Variants in WWOX observed in about 807,000 individuals in gnomAD.
The protein encoded by WWOX is WW domain containing oxidoreductase.
In WWOX, 69 loss-of-function variants were observed where a neutral mutation model predicts 46.2. That is an observed-to-expected ratio of 1.49 (90% CI 1.23 to 1.82). The LOEUF (loss-of-function observed/expected upper bound fraction) is 1.82. Ranked by LOEUF, WWOX falls within the 40% of genes most tolerant of loss-of-function variation. The pLI is 0.00. For missense variants in WWOX, 919 were observed against 542.6 expected (o/e 1.69, Z -6.89); for synonymous variants, 359 against 202.6 (o/e 1.77, Z -6.56).
At chr16:78,541,676 C>T (rs925109105) in intron 8 of WWOX, among the ~76,000 whole-genome samples, 1 of 151,790 alleles carries the variant, frequency 6.6e-6, no homozygotes, top group Non-Finnish European at 1.5e-5. Flanking sequence ...TGAGGTGTGA[C>T]ATTGAAAAAG....
chr16:78,523,503 A>G (rs2043393272), intron 8 of WWOX, among the ~76,000 whole-genome samples: 1 of 152,208 alleles, frequency 6.6e-6, no homozygotes, highest in Non-Finnish European at 1.5e-5. Flanking sequence ...CTGATGTTTG[A>G]TTCCTTGTGA....
intron 8 of WWOX, among the ~76,000 whole-genome samples, chr16:79,165,830 G>C (rs902320528): frequency 6.6e-6 from 1 of 152,066 alleles, no homozygotes; most frequent in Non-Finnish European, 1.5e-5. Context: ...TCCCTCACTC[G>C]GTCGCCGAAC....
intron 8 of WWOX, among the ~76,000 whole-genome samples, chr16:78,777,305 G>T (rs913114534): frequency 6.6e-6 from 1 of 152,130 alleles, no homozygotes; most frequent in Non-Finnish European, 1.5e-5. Flanking sequence ...ACAAAGAAAG[G>T]GAGGACTTTC....
intron 8 of WWOX, among the ~76,000 whole-genome samples, chr16:79,192,977 T>G (rs1264643872): frequency 6.6e-6 from 1 of 152,208 alleles, no homozygotes; most frequent in Non-Finnish European, 1.5e-5. Flanking sequence ...TGTCTCACAT[T>G]CCTTTCTGCT....
intron 8 of WWOX, among the ~76,000 whole-genome samples, chr16:78,456,687 C>CAA (rs893006846): frequency 3.0e-4 from 45 of 152,182 alleles, no homozygotes; most frequent in African/African-American, 1.1e-3. Flanking sequence ...TGACTCTTAA[C>CAA]AAAGGATGTA....
chr16:79,045,609 C>A (rs968960175), intron 8 of WWOX, among the ~76,000 whole-genome samples: 1 of 152,018 alleles, frequency 6.6e-6, no homozygotes, highest in East Asian at 1.9e-4. Flanking sequence ...CATCAGCTAT[C>A]AATGAAAAGG....
At chr16:78,574,671 ATTATG>A (rs1490864036) in intron 8 of WWOX, among the ~76,000 whole-genome samples, 7 of 151,924 alleles carry the variant, frequency 4.6e-5, no homozygotes, top group African/African-American at 1.4e-4. Context: ...CCTGAAGGAC[ATTATG>A]TTAAGTCAAA....
intron 8 of WWOX, among the ~76,000 whole-genome samples, chr16:79,156,589 C>T (rs991495839): frequency 2.0e-5 from 3 of 152,110 alleles, no homozygotes; most frequent in African/African-American, 7.2e-5. Context: ...GAGTTAAAAA[C>T]CAGACAATTA....
At chr16:78,885,192 CTTT>C (rs58558697) in intron 8 of WWOX, among the ~76,000 whole-genome samples, 1 of 127,738 alleles carries the variant, frequency 7.8e-6, no homozygotes. Context: ...TCACTCTCTA[CTTT>C]TTTTTTTTTT....
At chr16:78,934,213 C>T (rs913531586) in intron 8 of WWOX, among the ~76,000 whole-genome samples, 3 of 151,550 alleles carry the variant, frequency 2.0e-5, no homozygotes, top group Non-Finnish European at 4.4e-5. Flanking sequence ...TGGCACATCC[C>T]TGTAATCCCA....
chr16:78,455,388 T>C (rs11866188), intron 8 of WWOX, among the ~76,000 whole-genome samples: 40,961 of 151,794 alleles, frequency 0.27, 9,391 homozygotes, highest in African/African-American at 0.62. Context: ...TGCCTGTGAT[T>C]CCAGCATTTT....
In WWOX at chr16:78,102,670, G is replaced by A. The variant is rs148374268; in HGVS notation, c.107+2785G>A. On this transcript the variant is annotated intron_variant, in intron 1 of 8. Transcript: ENST00000566780. ...TAACTGTGGGTGTCCCCTCGACCTTGTACTAGTCACCTTGTTTCTCTGCTT... is the reference window on the plus strand; with the variant it reads ...TAACTGTGGGTGTCCCCTCGACCTTATACTAGTCACCTTGTTTCTCTGCTT... Among the ~76,000 whole-genome samples the A allele has an allele frequency of 7.6e-4, 115 of 152,288 alleles. No homozygotes were observed. The East Asian group carries it at 0.02, about 27-fold the overall frequency.
chr16:79,187,015 G>T (rs748641582), intron 8 of WWOX, among the ~76,000 whole-genome samples: 2 of 152,084 alleles, frequency 1.3e-5, no homozygotes, highest in Non-Finnish European at 2.9e-5. Flanking sequence ...AATATAAATT[G>T]TGCAGTAAAA....
At chr16:78,934,051 C>T (rs1049531204) in intron 8 of WWOX, among the ~76,000 whole-genome samples, 2 of 151,820 alleles carry the variant, frequency 1.3e-5, no homozygotes, top group South Asian at 2.1e-4. Context: ...GAAACTTAGC[C>T]GGGGCCGGGC....
At position 78,163,629 on chromosome 16, in the gene WWOX, A is replaced by G. The variant is rs1214144780; in HGVS notation, c.410-554A>G. 2.0e-5 allele frequency among the ~76,000 whole-genome samples: 3 copies of G among 152,170 alleles called. No individual in the cohort carries two copies. The East Asian group carries it at 5.8e-4, about 29-fold the overall frequency. ...GTGCCCTTCTGATGCCTTCAAACAG[A>G]TATGGGTGTGTATGCACGTGTGTTA... On this transcript the variant is annotated intron_variant, in intron 4 of 8. Transcript: ENST00000566780.
intron 8 of WWOX, among the ~76,000 whole-genome samples, chr16:78,577,417 A>G (rs752644982): frequency 2.6e-5 from 4 of 152,108 alleles, no homozygotes; most frequent in Non-Finnish European, 5.9e-5. Context: ...GCCATGAGTA[A>G]AGGGTGCCCT....
chr16:78,543,464 A>G (rs974520095), intron 8 of WWOX, among the ~76,000 whole-genome samples: 22 of 152,248 alleles, frequency 1.4e-4, no homozygotes, highest in African/African-American at 4.6e-4. Context: ...ACTTGTGAAC[A>G]GAGCAAAAGG....
At chr16:79,027,008 AG>A (rs1383815303) in intron 8 of WWOX, among the ~76,000 whole-genome samples, 1 of 151,300 alleles carries the variant, frequency 6.6e-6, no homozygotes, top group Non-Finnish European at 1.5e-5. Context: ...GTCCAGGTAC[AG>A]TGGCTCATGC....
intron 5 of WWOX, among the ~76,000 whole-genome samples, chr16:78,201,679 T>G (rs2036233890): frequency 3.3e-5 from 2 of 60,412 alleles, no homozygotes; most frequent in African/African-American, 2.2e-4. Flanking sequence ...CTTGGATTAT[T>G]TATTTATTTA....
Sources: allele counts gnomAD v4.1 joint callset (sites outside exome capture counted in the v4.1 genomes callset), GRCh38; gene constraint gnomAD v4.1.1; transcripts MANE v1.5; gene names NCBI Gene and HGNC (gene_info 2026-07-23, HGNC 2026-07-21).